The following RSAD2 variants were observed in gnomAD, a reference collection of about 807,000 sequenced individuals.
RSAD2 encodes S-adenosylmethionine-dependent nucleotide dehydratase RSAD2.
In RSAD2, 38 loss-of-function variants were observed where a neutral mutation model predicts 37.7. That is an observed-to-expected ratio of 1.01 (90% CI 0.78 to 1.32). The LOEUF is 1.32. Among genes scored for constraint, RSAD2 ranks in the 40% most tolerant of loss-of-function variants. The probability of loss-of-function intolerance (pLI) is 0.00; values close to 1 mark genes in which losing one functional copy is unlikely to be tolerated. For synonymous variants in RSAD2, 163 were observed against 157.4 expected (o/e 1.04, Z -0.27); for missense variants, 428 against 437.5 (o/e 0.98, Z 0.19).
chr2:6,889,215 AGGCCTCTCCTTACCCTGAGCCT>A, intron 3 of RSAD2, among the ~76,000 whole-genome samples: 1 of 152,322 alleles, frequency 6.6e-6, no homozygotes, highest in Admixed American at 6.5e-5. Flanking sequence ...CCTCCCTGCC[AGGCCTCTCCTTACCCTGAGCCT>A]GGATGGGGCA....
chr2:6,876,736 A>G (rs1663288617), upstream of RSAD2: 4 of 152,374 alleles, frequency 2.6e-5, 1 homozygote, highest in South Asian at 8.3e-4. Context: ...TATCAGAATA[A>G]CAGGAGCTAA....
chr2:6,866,569 A>G, intron 1 of RSAD2: 1 of 630,888 alleles, frequency 1.6e-6, no homozygotes, highest in Non-Finnish European at 2.0e-6. Flanking sequence ...GAAGTGTGTC[A>G]GGATAGCACC....
At chr2:6,870,367 T>C (rs1285492085) in intron 1 of RSAD2, among the ~76,000 whole-genome samples, 1 of 152,216 alleles carries the variant, frequency 6.6e-6, no homozygotes, top group Non-Finnish European at 1.5e-5. Context: ...ACTGTTATTT[T>C]AGAGTATTTT....
intron 5 of RSAD2, among the ~76,000 whole-genome samples, chr2:6,895,563 G>T (rs1663756918): frequency 6.6e-6 from 1 of 152,218 alleles, no homozygotes; most frequent in African/African-American, 2.4e-5. Context: ...TGTGCGCTTA[G>T]GTGTCTACTG....
chr2:6,886,848 A>G, intron 2 of RSAD2, 87 bp from the exon 3 acceptor site: 2 of 917,654 alleles, frequency 2.2e-6, no homozygotes. Context: ...AAATTTAAAC[A>G]AGATATATTT....
chr2:6,885,940 T>C (rs1192863457), intron 2 of RSAD2, among the ~76,000 whole-genome samples: 1 of 152,222 alleles, frequency 6.6e-6, no homozygotes, highest in African/African-American at 2.4e-5. Flanking sequence ...TTATGCTAGA[T>C]ATTTTGAGGG....
chr2:6,886,815 T>C, intron 2 of RSAD2, 120 bp from the exon 3 acceptor site: 1 of 681,068 alleles, frequency 1.5e-6, no homozygotes, highest in South Asian at 2.1e-5. Context: ...GTTTTGTGGG[T>C]ATAAGGAAAA....
intron 4 of RSAD2, among the ~76,000 whole-genome samples, chr2:6,891,888 A>T (rs1309407607): frequency 1.3e-5 from 2 of 152,236 alleles, no homozygotes; most frequent in African/African-American, 4.8e-5. Context: ...ACTAACAAGC[A>T]TATTCCAAAA....
upstream of RSAD2, among the ~76,000 whole-genome samples, chr2:6,873,738 A>G (rs1275048834): frequency 6.6e-6 from 1 of 152,202 alleles, no homozygotes; most frequent in Non-Finnish European, 1.5e-5. Flanking sequence ...GGTTTCCTCA[A>G]TATCAAAACC....
At chr2:6,890,695 C>G (rs1170092287) in intron 4 of RSAD2, among the ~76,000 whole-genome samples, 5 of 152,196 alleles carry the variant, frequency 3.3e-5, no homozygotes, top group African/African-American at 1.2e-4. Context: ...ACGAACGCCA[C>G]TCTGTTGATA....
intron 1 of RSAD2, chr2:6,879,002 C>G (rs1377905098): frequency 4.1e-6 from 2 of 489,118 alleles, no homozygotes; most frequent in Non-Finnish European, 7.8e-6. Flanking sequence ...AAAGCATCAC[C>G]AGCGCCAGAA....
chr2:6,884,759 T>A (rs1663482442), intron 2 of RSAD2, among the ~76,000 whole-genome samples: 1 of 152,204 alleles, frequency 6.6e-6, no homozygotes, highest in South Asian at 2.1e-4. Flanking sequence ...CATCGCGCCA[T>A]ATTCCTATAG....
At chr2:6,868,931 A>T (rs1053708310) in intron 1 of RSAD2, among the ~76,000 whole-genome samples, 2 of 152,236 alleles carry the variant, frequency 1.3e-5, no homozygotes, top group Admixed American at 6.5e-5. Flanking sequence ...GCAATACTCC[A>T]TGACATGCCA....
intron 5 of RSAD2, among the ~76,000 whole-genome samples, chr2:6,894,070 C>T (rs1663690367): frequency 6.6e-6 from 1 of 152,182 alleles, no homozygotes; most frequent in Non-Finnish European, 1.5e-5. Flanking sequence ...ATAGGGCATC[C>T]AGCCTACTTT....
intron 3 of RSAD2, among the ~76,000 whole-genome samples, chr2:6,888,169 A>C (rs945970771): frequency 6.6e-6 from 1 of 152,216 alleles, no homozygotes; most frequent in Non-Finnish European, 1.5e-5. Context: ...CTGTTTTTTT[A>C]AATCCCATGT....
At chr2:6,874,263 T>A (rs965821107), upstream of RSAD2, among the ~76,000 whole-genome samples, 1 of 152,154 alleles carries the variant, frequency 6.6e-6, no homozygotes, top group Non-Finnish European at 1.5e-5. Flanking sequence ...ATGCTTCCTG[T>A]ACAGCCTGCA....
upstream of RSAD2, among the ~76,000 whole-genome samples, chr2:6,875,019 A>C (rs1328951387): frequency 2.6e-5 from 4 of 152,222 alleles, no homozygotes; most frequent in African/African-American, 9.6e-5. Context: ...ACTTCCTGGT[A>C]GGCCCAAGAA....
rs7570384 is a variant in RSAD2 at position 6,896,547 on chromosome 2, C to T, written c.*605C>T. On this transcript the variant is annotated 3_prime_UTR_variant, in exon 6 of 6. Coordinates refer to ENST00000382040, the MANE Select transcript of RSAD2 (RefSeq NM_080657.5). ...GGTTATAATGCTTTTTTTTTTTTGC[C>T]TTTATGCCATTGCAGTCTTGTACTT... 99,668 of 149,034 alleles carry T rather than the reference C, an allele frequency of 0.67. 33,447 individuals are homozygous for T. Among genetic ancestry groups the T allele is most frequent in the East Asian group, 0.78 (3,923 of 5,052 alleles). 9.2% of individuals were successfully genotyped at this position (149,034 alleles called of 1,614,324 possible).
chr2:6,888,868 C>G (rs911850434), intron 3 of RSAD2, among the ~76,000 whole-genome samples: 22 of 152,216 alleles, frequency 1.4e-4, no homozygotes, highest in African/African-American at 5.3e-4. Context: ...GCTGCCTCCT[C>G]CACTGTGAGG....
Sources: allele counts gnomAD v4.1 joint callset (sites outside exome capture counted in the v4.1 genomes callset), GRCh38; gene constraint gnomAD v4.1.1; transcripts MANE v1.5; gene names NCBI Gene and HGNC (gene_info 2026-07-23, HGNC 2026-07-21).